The following TET2 variants were observed in gnomAD, a reference collection of about 807,000 sequenced individuals.
TET2 encodes the protein methylcytosine dioxygenase TET2.
In TET2, 299 loss-of-function variants were observed where a neutral mutation model predicts 142.9. That is an observed-to-expected ratio of 2.09 (90% CI 1.90 to 2.30). The LOEUF (loss-of-function observed/expected upper bound fraction) is 2.30, where lower values mean the gene tolerates loss of function less well. Among genes scored for constraint, TET2 ranks in the 30% most tolerant of loss-of-function variants. The pLI is 0.00. For synonymous variants in TET2, 819 were observed against 849.0 expected (o/e 0.96, Z 0.61); for missense variants, 2,418 against 2,378.0 (o/e 1.02, Z -0.35).
At chr4:105,245,747 C>T (rs1729554233) in intron 6 of TET2, among the ~76,000 whole-genome samples, 1 of 152,176 alleles carries the variant, frequency 6.6e-6, no homozygotes, top group African/African-American at 2.4e-5. Context: ...AACTTGTGCT[C>T]ATATTGGTAA....
intron 2 of TET2, among the ~76,000 whole-genome samples, chr4:105,205,688 A>G (rs1364362985): frequency 1.3e-5 from 2 of 151,968 alleles, no homozygotes; most frequent in Non-Finnish European, 2.9e-5. Context: ...CTGGAGTGCA[A>G]TGGCAGGATC....
At chr4:105,241,549 T>C (rs1168599264) in intron 4 of TET2, 120 bp downstream of exon 4, 27 of 1,457,718 alleles carry the variant, frequency 1.9e-5, no homozygotes, top group Non-Finnish European at 2.4e-5. Flanking sequence ...TTAGTAGGCT[T>C]AGCTATTCTA....
chr4:105,214,802 T>C (rs1396096233), intron 2 of TET2, among the ~76,000 whole-genome samples: 2 of 152,090 alleles, frequency 1.3e-5, no homozygotes, highest in Non-Finnish European at 2.9e-5. Flanking sequence ...CCGTGCACTT[T>C]CCTTATACTT....
At chr4:105,213,849 A>T (rs990884946) in intron 2 of TET2, among the ~76,000 whole-genome samples, 1 of 152,124 alleles carries the variant, frequency 6.6e-6, no homozygotes, top group Non-Finnish European at 1.5e-5. Flanking sequence ...CACAGGCTCA[A>T]TAAGTAATGA....
intron 2 of TET2, among the ~76,000 whole-genome samples, chr4:105,207,120 A>C (rs1726871347): frequency 6.6e-6 from 1 of 152,210 alleles, no homozygotes; most frequent in African/African-American, 2.4e-5. Flanking sequence ...AAAATTTTAC[A>C]TAAATTTTAC....
rs555029375 is a variant in TET2, at chr4:105,190,410, G to T, written c.-142G>T. ...CTCTCAAGATTGTTTACTTGCCTTT[G>T]CTCCTGTTGAGTTACAACGCTTGGA... On this transcript the variant is annotated 5_prime_UTR_variant, in exon 2 of 11. Coordinates refer to ENST00000380013, the MANE Select transcript of TET2 (RefSeq NM_001127208.3). 10 of 697,434 alleles carry T rather than the reference G, an allele frequency of 1.4e-5. No homozygotes were observed. The highest frequency in any genetic ancestry group is 2.6e-5 in the Non-Finnish European group (10 of 383,226). The allele number at this position is 697,434 out of a possible 1,614,324, so 43.2% of individuals were successfully genotyped here.
At chr4:105,173,840 G>C (rs947123554) in intron 1 of TET2, among the ~76,000 whole-genome samples, 5 of 152,060 alleles carry the variant, frequency 3.3e-5, no homozygotes, top group Non-Finnish European at 7.4e-5. Context: ...TAATCTAATG[G>C]AGATTAATAT....
At chr4:105,174,990 T>A (rs763154469) in intron 1 of TET2, among the ~76,000 whole-genome samples, 1 of 152,156 alleles carries the variant, frequency 6.6e-6, no homozygotes, top group Non-Finnish European at 1.5e-5. Context: ...CTGTCCACGT[T>A]AGGGGGCCTA....
Position 105,276,207 on chromosome 4 carries a change from C to T in TET2, c.5697C>T (p.Leu1899=), listed in dbSNP as rs1009227043. 11 of 1,551,566 alleles carry T rather than the reference C, an allele frequency of 7.1e-6. No individual in the cohort carries two copies. The highest frequency in any genetic ancestry group is 7.8e-6 in the Non-Finnish European group (9 of 1,147,000). Residue 1899 remains leucine (L), a synonymous_variant, in exon 11 of 11, where the codon CTC becomes CTT. Transcript: ENST00000380013. ...PNRNHPTRIS[L]VFYQHKSMNE... ...GGAATCACCCCACCAGGATCTCCCT[C>T]GTCTTTTACCAGCATAAGAGCATGA...
chr4:105,274,830 A>AT (rs144107843), intron 10 of TET2, among the ~76,000 whole-genome samples: 3,041 of 149,814 alleles, frequency 0.02, 58 homozygotes, highest in African/African-American at 0.04. Context: ...TGTTTATTAC[A>AT]TTTTTTTTTT....
At position 105,236,877 on chromosome 4, in the gene TET2, A is replaced by AG; in HGVS notation, c.2937dup (p.Pro980AlafsTer3). On this transcript the variant is annotated frameshift_variant, in exon 3 of 11. Transcript: ENST00000380013. LOFTEE classifies it high-confidence loss of function. ...TGAGTCTTGCCATAGTCAGATGCACAGGCCAATTAAGGTGGAACCTGGATG... is the reference window on the plus strand; with the variant it reads ...TGAGTCTTGCCATAGTCAGATGCACAGGGCCAATTAAGGTGGAACCTGGATG... The AG allele has an allele frequency of 6.2e-7, 1 of 1,614,162 alleles. No individual in the cohort carries two copies. Among genetic ancestry groups the AG allele is most frequent in the Non-Finnish European group, 8.5e-7 (1 of 1,180,020 alleles).
At chr4:105,190,562 T>TAAA in intron 2 of TET2, 57 bp downstream of exon 2, 1 of 687,426 alleles carries the variant, frequency 1.5e-6, no homozygotes, top group Non-Finnish European at 2.6e-6. Context: ...ATTCCTAATG[T>TAAA]AATGGTAATC....
At position 105,237,034 on chromosome 4, in the gene TET2, AT is replaced by A; in HGVS notation, c.3093del (p.Leu1032Ter). ...QKSIIETMEQ[H>X]LKQFHAKSLF... ...AGCATCATTGAGACCATGGAGCAGCATCTGAAGCAGTTTCACGCCAAGTCGT... is the reference window on the plus strand; with the variant it reads ...AGCATCATTGAGACCATGGAGCAGCACTGAAGCAGTTTCACGCCAAGTCGT... On this transcript the variant is annotated frameshift_variant, in exon 3 of 11. Transcript: ENST00000380013. LOFTEE classifies it high-confidence loss of function. The A allele has an allele frequency of 6.2e-7, 1 of 1,614,196 alleles. No homozygotes were observed. Among genetic ancestry groups the A allele is most frequent in the Non-Finnish European group, 8.5e-7 (1 of 1,180,018 alleles).
At position 105,279,421 on chromosome 4, in the gene TET2, A is replaced by G. The variant is rs533753151; in HGVS notation, c.*2902A>G. 4 of 232,684 alleles carry G rather than the reference A, an allele frequency of 1.7e-5. No individual in the cohort carries two copies. In the South Asian group the frequency reaches 5.4e-4, roughly 32 times the overall value. 14.4% of individuals were successfully genotyped at this position (232,684 alleles called of 1,614,324 possible). The stretch of plus-strand genomic sequence containing the variant: ...GAAAGCAGATCTACAATTTGCTAAT[A>G]TAGGAATATCAGGTTGACTATATAG... On this transcript the variant is annotated 3_prime_UTR_variant, in exon 11 of 11. Transcript: ENST00000380013.
At chr4:105,181,938 T>C (rs1389251273) in intron 1 of TET2, among the ~76,000 whole-genome samples, 1 of 152,160 alleles carries the variant, frequency 6.6e-6, no homozygotes, top group Non-Finnish European at 1.5e-5. Context: ...GGTTATTACT[T>C]GAAAGTTCAA....
rs745997182 is a variant in TET2 at position 105,235,188 on chromosome 4, C to T, written c.1246C>T (p.Pro416Ser). Residue 416 changes from proline (P) to serine (S), a missense_variant, in exon 3 of 11, where the codon CCT becomes TCT. By Grantham distance (74) the Pro-to-Ser change is moderately conservative. Transcript: ENST00000380013. ...TCCCCCTCCTCCTCTTCCACAGGTT[C>T]CTCAGCTTCCTTCAGAAGGAAAAAG... ...LSPPPPLPQV[P>S]QLPSEGKSTL... 6.2e-7 allele frequency: 1 copy of T among 1,614,088 alleles called. No homozygotes were observed. The highest frequency in any genetic ancestry group is 8.5e-7 in the Non-Finnish European group (1 of 1,179,980).
rs746297083 is a variant in TET2, at chr4:105,154,395, G to T, written c.-193+7416G>T. 1.6e-4 allele frequency among the ~76,000 whole-genome samples: 24 copies of T among 152,312 alleles called. No individual in the cohort carries two copies. In the Middle Eastern group the frequency reaches 0.01, roughly 65 times the overall value. ...GCAAAAGAAATGCAGGAACTATTTG[G>T]ATTGAATGAGGCTAAGCATATCTTT... On this transcript the variant is annotated intron_variant, in intron 1 of 10. Coordinates refer to ENST00000380013, the MANE Select transcript of TET2 (RefSeq NM_001127208.3).
At chr4:105,223,492 T>TA (rs2110593304) in intron 2 of TET2, among the ~76,000 whole-genome samples, 2 of 152,294 alleles carry the variant, frequency 1.3e-5, no homozygotes, top group South Asian at 4.1e-4. Context: ...ATAGTAATTT[T>TA]AAAGTCAAAC....
chr4:105,267,995 A>C (rs1195015762), intron 8 of TET2, among the ~76,000 whole-genome samples: 1 of 152,178 alleles, frequency 6.6e-6, no homozygotes, highest in Non-Finnish European at 1.5e-5. Flanking sequence ...GTGAAAGACT[A>C]ATACTTGACC....
Sources: gnomAD v4.1 joint callset for allele counts (sites outside exome capture counted in the v4.1 genomes callset) on GRCh38, gnomAD v4.1.1 for gene constraint, MANE v1.5 for transcripts, NCBI Gene and HGNC (gene_info 2026-07-23, HGNC 2026-07-21) for gene names.